DNAJB11: variants seen among roughly 807,000 people sequenced by gnomAD.
DNAJB11 encodes DnaJ heat shock protein family (Hsp40) member B11, also known as dnaJ homolog subfamily B member 11.
A neutral mutation model predicts 47.2 loss-of-function variants in DNAJB11; 30 were observed. The observed-to-expected ratio is 0.64, with a 90% confidence interval of 0.48 to 0.86. The LOEUF is 0.86. Among genes scored for constraint, DNAJB11 ranks in the 40% least tolerant of loss-of-function variants. DNAJB11 has a pLI of 0.00. For missense variants in DNAJB11, 357 were observed against 440.2 expected (o/e 0.81, Z 1.69); for synonymous variants, 151 against 159.9 (o/e 0.94, Z 0.42).
chr3:186,572,192 C>G lies in DNAJB11; in HGVS notation c.166C>G (p.Arg56Gly). Reference protein sequence around the residue: ...RKLALQLHPDRNPDDPQAQEK... With the variant: ...RKLALQLHPDGNPDDPQAQEK... ...ACTAGCCCTGCAGCTTCATCCCGAC[C>G]GGAACCCTGATGATCCACAAGCCCA... Residue 56 changes from arginine (R) to glycine (G), a missense_variant, in exon 2 of 10, where the codon CGG becomes GGG. By Grantham distance (125) the Arg-to-Gly change is moderately radical. Coordinates refer to ENST00000265028, the MANE Select transcript of DNAJB11 (RefSeq NM_016306.6). 3 of 1,613,956 alleles carry G rather than the reference C, an allele frequency of 1.9e-6. No homozygotes were observed. The highest frequency in any genetic ancestry group is 2.5e-6 in the Non-Finnish European group (3 of 1,179,962).
At position 186,581,918 on chromosome 3, in the gene DNAJB11, G is replaced by A; in HGVS notation, c.600-77G>A. On this transcript the variant is annotated intron_variant, in intron 5 of 9. Transcript: ENST00000265028. ...TCCAAGAAAAAGCTCTGATAAAATAGGTATAACTTTATCTATATCTGATGT... is the reference window on the plus strand; with the variant it reads ...TCCAAGAAAAAGCTCTGATAAAATAAGTATAACTTTATCTATATCTGATGT... 3 of 1,203,740 alleles carry A rather than the reference G, an allele frequency of 2.5e-6. No homozygotes were observed. The South Asian group carries it at 4.1e-5, about 16-fold the overall frequency. 74.6% of individuals were successfully genotyped at this position (1,203,740 alleles called of 1,614,324 possible).
Position 186,585,512 on chromosome 3 carries a change from T to G in DNAJB11, c.*104T>G. 1 of 753,052 alleles carries G rather than the reference T, an allele frequency of 1.3e-6. No individual in the cohort carries two copies. The highest frequency in any genetic ancestry group is 1.9e-5 in the South Asian group (1 of 53,466). 46.6% of individuals were successfully genotyped at this position (753,052 alleles called of 1,614,324 possible). A position where few individuals can be genotyped will look rare whatever the true frequency, so the allele number is the denominator to read the frequency against. ...TTTGTTTTTATTTTCAATATGCAAG[T>G]TAGGCTTAATTTTTTTATCTAATGA... On this transcript the variant is annotated 3_prime_UTR_variant, in exon 10 of 10. Transcript: ENST00000265028.
chr3:186,579,959 T>G (rs1490305199), intron 4 of DNAJB11: 1 of 152,252 alleles, frequency 6.6e-6, no homozygotes, highest in Non-Finnish European at 1.5e-5. Context: ...TCTTCTTAGT[T>G]GTAGCTGCTT....
At chr3:186,573,506 C>A (rs764936311) in intron 2 of DNAJB11, among the ~76,000 whole-genome samples, 1 of 152,132 alleles carries the variant, frequency 6.6e-6, no homozygotes, top group Non-Finnish European at 1.5e-5. Flanking sequence ...CTGCCTCAGC[C>A]TCCTGAGTAG....
At chr3:186,571,182 G>A (rs1306773952) in intron 1 of DNAJB11, among the ~76,000 whole-genome samples, 1 of 152,188 alleles carries the variant, frequency 6.6e-6, no homozygotes, top group African/African-American at 2.4e-5. Context: ...GGTCCAGAGA[G>A]GGTCTTAGGT....
At chr3:186,585,207 G>T in intron 9 of DNAJB11, 137 bp from the exon 10 acceptor site, 1 of 602,778 alleles carries the variant, frequency 1.7e-6, no homozygotes, top group Non-Finnish European at 2.9e-6. Flanking sequence ...CAATTACGTT[G>T]GAGATTGGTA....
At chr3:186,581,128 T>C in intron 4 of DNAJB11, 2 of 422,376 alleles carry the variant, frequency 4.7e-6, no homozygotes. Flanking sequence ...TCTTGTTTCT[T>C]ACTCCCGTCT....
Position 186,576,010 on chromosome 3 carries a change from A to G in DNAJB11, c.323+73A>G. 6.2e-6 allele frequency: 7 copies of G among 1,126,736 alleles called. No individual in the cohort carries two copies. The South Asian group carries it at 7.8e-5, about 13-fold the overall frequency. 69.8% of individuals were successfully genotyped at this position (1,126,736 alleles called of 1,614,324 possible). A position where few individuals can be genotyped will look rare whatever the true frequency, so the allele number is the denominator to read the frequency against. On this transcript the variant is annotated intron_variant, in intron 3 of 9. Coordinates refer to ENST00000265028, the MANE Select transcript of DNAJB11 (RefSeq NM_016306.6). ...ACTTAGCGATTAAAGAATTATTCTC[A>G]TTCCCTAGTTCAGAAACTTTTGATG...
At chr3:186,573,030 A>G (rs1715139169) in intron 2 of DNAJB11, among the ~76,000 whole-genome samples, 1 of 152,220 alleles carries the variant, frequency 6.6e-6, no homozygotes, top group Non-Finnish European at 1.5e-5. Flanking sequence ...TCTGGGGATC[A>G]AAACACTCTC....
chr3:186,573,486 C>T (rs574950962), intron 2 of DNAJB11, among the ~76,000 whole-genome samples: 3 of 152,120 alleles, frequency 2.0e-5, no homozygotes, highest in South Asian at 4.1e-4. Context: ...CTGGGTTTTA[C>T]GCCATTCTCC....
At chr3:186,580,142 G>C (rs948735410) in intron 4 of DNAJB11, 1 of 152,194 alleles carries the variant, frequency 6.6e-6, no homozygotes, top group Non-Finnish European at 1.5e-5. Flanking sequence ...TTCCAAGCCT[G>C]TTCTGCAGTT....
intron 4 of DNAJB11, chr3:186,578,926 TAAG>T (rs2108481222): frequency 6.6e-6 from 1 of 152,320 alleles, no homozygotes; most frequent in Non-Finnish European, 1.5e-5. Context: ...TGTTCTAAAA[TAAG>T]AAAGCAGCCA....
rs1715086791 is a variant in DNAJB11, at chr3:186,572,175, T to G, written c.149T>G (p.Leu50Arg). 1 of 1,613,916 alleles carries G rather than the reference T, an allele frequency of 6.2e-7. No homozygotes were observed. The highest frequency in any genetic ancestry group is 8.5e-7 in the Non-Finnish European group (1 of 1,179,986). ...DIKKAYRKLA[L>R]QLHPDRNPDD... ...AAAAAGGCCTATAGGAAACTAGCCC[T>G]GCAGCTTCATCCCGACCGGAACCCT... is the stretch of plus-strand genomic sequence containing the variant. Residue 50 changes from leucine to arginine, a missense_variant, in exon 2 of 10, where the codon CTG becomes CGG. Transcript: ENST00000265028.
At chr3:186,584,674 A>T in intron 9 of DNAJB11, 85 bp downstream of exon 9, 1 of 1,310,806 alleles carries the variant, frequency 7.6e-7, no homozygotes, top group African/African-American at 1.6e-5. Context: ...TGGCAATAGA[A>T]GAACTCTCCA....
chr3:186,571,834 GAA>G (rs986287464), intron 1 of DNAJB11, among the ~76,000 whole-genome samples: 25 of 152,306 alleles, frequency 1.6e-4, no homozygotes, highest in African/African-American at 5.8e-4. Flanking sequence ...GGTTCTGAAA[GAA>G]AAGTGCCACA....
chr3:186,571,984 A>T (rs1364421071), intron 1 of DNAJB11, 111 bp from the exon 2 acceptor site: 8 of 895,288 alleles, frequency 8.9e-6, no homozygotes, highest in Non-Finnish European at 1.1e-5. Flanking sequence ...CTTCATTTTT[A>T]TACCTCTTTG....
intron 4 of DNAJB11, 144 bp downstream of exon 4, chr3:186,577,944 C>A: frequency 1.6e-6 from 1 of 632,668 alleles, no homozygotes; most frequent in African/African-American, 1.9e-5. Flanking sequence ...AATTATAATG[C>A]TTGGTTCATG....
chr3:186,574,544 GT>G (rs1208342638), intron 2 of DNAJB11, among the ~76,000 whole-genome samples: 1 of 150,168 alleles, frequency 6.7e-6, no homozygotes, highest in African/African-American at 2.5e-5. Flanking sequence ...AAAGATACTT[GT>G]GAAAACATGC....
intron 1 of DNAJB11, 117 bp from the exon 2 acceptor site, chr3:186,571,978 A>T (rs1404813052): frequency 5.8e-6 from 5 of 862,534 alleles, no homozygotes; most frequent in Non-Finnish European, 8.5e-6. Flanking sequence ...ATAAACCTTC[A>T]TTTTTATACC....
Sources: allele counts gnomAD v4.1 joint callset (sites outside exome capture counted in the v4.1 genomes callset), GRCh38; gene constraint gnomAD v4.1.1; transcripts MANE v1.5; gene names NCBI Gene and HGNC (gene_info 2026-07-23, HGNC 2026-07-21).